The following DLGAP2 variants were observed in gnomAD, a reference collection of about 807,000 sequenced individuals.
DLGAP2 encodes DLG associated protein 2.
A neutral mutation model predicts 100.3 loss-of-function variants in DLGAP2; 26 were observed. That is an observed-to-expected ratio of 0.26 (90% CI 0.19 to 0.36). The LOEUF (loss-of-function observed/expected upper bound fraction) is 0.36, where lower values mean the gene tolerates loss of function less well. Ranked by LOEUF, DLGAP2 falls within the 10% of genes least tolerant of loss-of-function variation. The pLI, the probability that DLGAP2 is intolerant of heterozygous loss-of-function variation, is 1.00. For missense variants in DLGAP2, 1,858 were observed against 1,453.2 expected (o/e 1.28, Z -4.53); for synonymous variants, 886 against 630.1 (o/e 1.41, Z -6.08).
chr8:814,891 A>T (rs577351003), intron 1 of DLGAP2, among the ~76,000 whole-genome samples: 1 of 150,308 alleles, frequency 6.7e-6, no homozygotes, highest in Non-Finnish European at 1.5e-5. Context: ...TATCAACATT[A>T]TAGCCCTTGA....
At chr8:1,487,896 G>C (rs1799271026) in intron 3 of DLGAP2, among the ~76,000 whole-genome samples, 1 of 152,190 alleles carries the variant, frequency 6.6e-6, no homozygotes, top group Non-Finnish European at 1.5e-5. Context: ...CACCACAGTT[G>C]CTGGAGCTGC....
At chr8:1,278,648 G>T (rs1183247810) in intron 3 of DLGAP2, among the ~76,000 whole-genome samples, 2 of 152,182 alleles carry the variant, frequency 1.3e-5, no homozygotes, top group Non-Finnish European at 2.9e-5. Flanking sequence ...TGTAGCTGGT[G>T]CCTTCTTCTC....
intron 2 of DLGAP2, 146 bp from the exon 3 acceptor site, chr8:1,258,705 T>G (rs1799280420): frequency 3.4e-6 from 2 of 590,238 alleles, no homozygotes; most frequent in Non-Finnish European, 5.0e-6. Context: ...AGAGCTGGCT[T>G]TGTTTATGGA....
intron 4 of DLGAP2, among the ~76,000 whole-genome samples, chr8:1,534,783 C>T (rs28487930): frequency 6.8e-6 from 1 of 148,128 alleles, no homozygotes; most frequent in Non-Finnish European, 1.5e-5. Flanking sequence ...TGCACGTGTA[C>T]GTGTGTGAGT....
intron 2 of DLGAP2, among the ~76,000 whole-genome samples, chr8:1,214,220 A>C (rs1798165633): frequency 6.6e-6 from 1 of 152,090 alleles, no homozygotes; most frequent in Non-Finnish European, 1.5e-5. Context: ...GTCTCATTTT[A>C]AATGCCCCTC....
chr8:1,610,247 C>G (rs1584990018), intron 6 of DLGAP2, among the ~76,000 whole-genome samples: 1 of 152,194 alleles, frequency 6.6e-6, no homozygotes, highest in Non-Finnish European at 1.5e-5. Flanking sequence ...CTCAAAACTG[C>G]TCAACTACAT....
chr8:1,534,622 G>A (rs1162324241), intron 4 of DLGAP2, among the ~76,000 whole-genome samples: 1 of 152,174 alleles, frequency 6.6e-6, no homozygotes, highest in Non-Finnish European at 1.5e-5. Flanking sequence ...TTAGAACTTT[G>A]ATATATGTGG....
intron 5 of DLGAP2, among the ~76,000 whole-genome samples, chr8:1,556,541 G>C (rs1801972717): frequency 1.3e-5 from 2 of 152,214 alleles, no homozygotes; most frequent in African/African-American, 4.8e-5. Flanking sequence ...TCCTGCCTCA[G>C]ACTTGGTGGT....
chr8:1,242,727 G>T (rs142468262), intron 2 of DLGAP2, among the ~76,000 whole-genome samples: 4 of 152,338 alleles, frequency 2.6e-5, no homozygotes, highest in Admixed American at 1.3e-4. Context: ...TGGGTGGATG[G>T]ATGTATGTAT....
chr8:1,544,870 T>C (rs1801481812), intron 4 of DLGAP2, among the ~76,000 whole-genome samples: 1 of 151,984 alleles, frequency 6.6e-6, no homozygotes, highest in South Asian at 2.1e-4. Context: ...GTAGCTGCGA[T>C]TACAGGCATG....
At chr8:1,070,282 C>G (rs531665607) in intron 2 of DLGAP2, among the ~76,000 whole-genome samples, 2 of 152,224 alleles carry the variant, frequency 1.3e-5, no homozygotes, top group South Asian at 2.1e-4. Flanking sequence ...AGGGCAGCTG[C>G]GAGAAGCCAC....
Position 1,548,776 on chromosome 8 carries a change from A to G in DLGAP2, c.323A>G (p.Glu108Gly). ...GGTCTGGCGCCCCCGGAGGACTGCG[A>G]GCACCTGCACCACGGGCCCGACGCG... ...TCGLAPPEDC[E>G]HLHHGPDARP... Residue 108 changes from glutamate (E) to glycine (G), a missense_variant, in exon 5 of 15, where the codon GAG becomes GGG. By Grantham distance (98) the Glu-to-Gly change is moderately conservative (BLOSUM62 -2). Coordinates refer to ENST00000637795, the MANE Select transcript of DLGAP2 (RefSeq NM_001346810.2). 1 of 1,596,712 alleles carries G rather than the reference A, an allele frequency of 6.3e-7. No homozygotes were observed. Among genetic ancestry groups the G allele is most frequent in the Non-Finnish European group, 8.5e-7 (1 of 1,174,388 alleles).
At chr8:1,053,818 G>A (rs563252491) in intron 2 of DLGAP2, among the ~76,000 whole-genome samples, 6 of 152,074 alleles carry the variant, frequency 3.9e-5, no homozygotes, top group African/African-American at 7.2e-5. Flanking sequence ...TTTCATTACC[G>A]TCACTGGTTT....
chr8:1,529,041 G>A (rs1449412927), intron 4 of DLGAP2, among the ~76,000 whole-genome samples: 2 of 151,540 alleles, frequency 1.3e-5, no homozygotes, highest in Non-Finnish European at 2.9e-5. Flanking sequence ...GTATTAGTCT[G>A]TTGTCCTACT....
intron 4 of DLGAP2, among the ~76,000 whole-genome samples, chr8:1,532,300 G>T (rs184357495): frequency 6.6e-6 from 1 of 152,228 alleles, no homozygotes; most frequent in African/African-American, 2.4e-5. Flanking sequence ...CTGCCATTCC[G>T]ATCCTTCTCT....
intron 2 of DLGAP2, among the ~76,000 whole-genome samples, chr8:1,132,056 C>A (rs1340327589): frequency 1.3e-5 from 2 of 152,292 alleles, no homozygotes; most frequent in Non-Finnish European, 2.9e-5. Flanking sequence ...TGTGTGTTCC[C>A]AGATAATGCA....
intron 1 of DLGAP2, among the ~76,000 whole-genome samples, chr8:750,730 G>A (rs1359970797): frequency 6.6e-6 from 1 of 152,156 alleles, no homozygotes; most frequent in Non-Finnish European, 1.5e-5. Flanking sequence ...CAGCCCCCAC[G>A]GCTCGCCGTC....
In DLGAP2 at chr8:1,690,634, G is replaced by A. The variant is rs1799234083; in HGVS notation, c.2705-901G>A. 2.7e-5 allele frequency among the ~76,000 whole-genome samples: 4 copies of A among 149,380 alleles called. No individual in the cohort carries two copies. The South Asian group carries it at 8.5e-4, about 32-fold the overall frequency. ...CCAGAAAATTGCTTGAACCTGGGAG[G>A]TGGAGGTTGCAGTGAGCCAGGATTG... On this transcript the variant is annotated intron_variant, in intron 12 of 14. Coordinates refer to ENST00000637795, the MANE Select transcript of DLGAP2 (RefSeq NM_001346810.2).
chr8:963,621 GA>G (rs1485996196), intron 2 of DLGAP2, among the ~76,000 whole-genome samples: 1 of 152,080 alleles, frequency 6.6e-6, no homozygotes, highest in Non-Finnish European at 1.5e-5. Flanking sequence ...TTACAAAAAG[GA>G]AATTGAGACA....
Sources: allele counts gnomAD v4.1 joint callset (sites outside exome capture counted in the v4.1 genomes callset), GRCh38; gene constraint gnomAD v4.1.1; transcripts MANE v1.5; gene names NCBI Gene and HGNC (gene_info 2026-07-23, HGNC 2026-07-21).